The following CEP95 variants were observed in gnomAD, a reference collection of about 807,000 sequenced individuals.
CEP95 encodes centrosomal protein 95, also known as centrosomal protein of 95 kDa.
In CEP95, 98 loss-of-function variants were observed where a neutral mutation model predicts 111.2. The ratio of observed to expected loss-of-function variants is 0.88; its 90% confidence interval spans 0.75 to 1.04. CEP95 has a LOEUF of 1.04. CEP95 is among the 50% of genes least tolerant of loss of function. The pLI is 0.00. For missense variants in CEP95, 1,027 were observed against 977.2 expected, an observed-to-expected ratio of 1.05 and a Z score of -0.68; for synonymous variants, 323 against 327.1, an observed-to-expected ratio of 0.99 and a Z score of 0.14.
Position 64,526,121 on chromosome 17 carries a change from G to T in CEP95, c.1073G>T (p.Arg358Met). The change falls in exon 10 of 20, where the codon AGG becomes ATG. Residue 358 changes from arginine to methionine, a missense_variant. Arg to Met is a moderately conservative substitution (Grantham distance 91). Transcript: ENST00000556440. Reference protein sequence around the residue: ...ASSCNSPFPQRPRKRLTEQEL... With the variant: ...ASSCNSPFPQMPRKRLTEQEL... ...TCCTGCAATTCACCTTTCCCCCAGAGGCCAAGAAAGAGATTAACAGAACAA... is the reference window on the plus strand; with the variant it reads ...TCCTGCAATTCACCTTTCCCCCAGATGCCAAGAAAGAGATTAACAGAACAA... 6.2e-7 allele frequency: 1 copy of T among 1,613,678 alleles called. No homozygotes were observed. Among genetic ancestry groups the T allele is most frequent in the South Asian group, 1.1e-5 (1 of 91,054 alleles).
intron 16 of CEP95, chr17:64,534,370 C>A (rs926156183): frequency 1.2e-5 from 6 of 505,458 alleles, no homozygotes; most frequent in African/African-American, 1.2e-4. Flanking sequence ...CCCAGGATCA[C>A]TGCTGCCCTC....
rs535413368 is a variant in CEP95 at position 64,524,754 on chromosome 17, C to T, written c.910-1016C>T. 1.2e-3 allele frequency among the ~76,000 whole-genome samples: 174 copies of T among 151,232 alleles called. 2 individuals are homozygous for T. The highest frequency in any genetic ancestry group is 1.7e-3 in the Admixed American group (26 of 15,192). On this transcript the variant is annotated intron_variant, in intron 8 of 19. Coordinates refer to ENST00000556440, the MANE Select transcript of CEP95 (RefSeq NM_138363.3). The stretch of plus-strand genomic sequence containing the variant: ...TTGAGAGGCTGAGGTGGGTGGATCA[C>T]GAGGTCAGGAGTTCAAGACCAGCCT...
chr17:64,508,296 A>T, intron 1 of CEP95: 4 of 990,502 alleles, frequency 4.0e-6, no homozygotes, highest in Non-Finnish European at 4.8e-6. Flanking sequence ...ACACCCATGT[A>T]AGGCTTATAT....
intron 6 of CEP95, among the ~76,000 whole-genome samples, chr17:64,520,966 C>T (rs997338051): frequency 1.3e-5 from 2 of 152,102 alleles, no homozygotes; most frequent in Non-Finnish European, 2.9e-5. Context: ...TATTATGGCC[C>T]GTCACAGTGG....
intron 5 of CEP95, 76 bp from the exon 6 acceptor site, chr17:64,519,245 C>T: frequency 1.1e-6 from 1 of 877,638 alleles, no homozygotes; most frequent in East Asian, 2.4e-5. Context: ...TTTCTGCACC[C>T]AGCAGCTCTC....
rs368415280 is a variant in CEP95, at chr17:64,524,477, T to A, written c.910-1293T>A. Among the ~76,000 whole-genome samples the A allele has an allele frequency of 3.2e-4, 48 of 152,094 alleles. 1 individual carries two copies. The East Asian group carries it at 8.0e-3, about 25-fold the overall frequency. On this transcript the variant is annotated intron_variant, in intron 8 of 19. Transcript: ENST00000556440. The stretch of plus-strand genomic sequence containing the variant: ...ACACGTGCCACCACACCTGGCTGAT[T>A]TTTTTTAAAAATATTTTTAGTAGAG...
At chr17:64,531,791 C>G in intron 13 of CEP95, 99 bp from the exon 14 acceptor site, 1 of 876,772 alleles carries the variant, frequency 1.1e-6, no homozygotes, top group Non-Finnish European at 1.6e-6. Flanking sequence ...AACTAAAAAA[C>G]TACCGTTAGC....
chr17:64,526,232 T>A, intron 10 of CEP95, 32 bp downstream of exon 10: 1 of 1,585,678 alleles, frequency 6.3e-7, no homozygotes, highest in Non-Finnish European at 8.6e-7. Flanking sequence ...ATATTGAGAT[T>A]CCCATGGGTT....
chr17:64,514,094 C>CT (rs781959140), intron 3 of CEP95, 154 bp from the exon 4 acceptor site: 15 of 428,170 alleles, frequency 3.5e-5, no homozygotes, highest in Middle Eastern at 6.2e-4. Context: ...CACCTGTATT[C>CT]TTTTTTTTAT....
intron 13 of CEP95, 123 bp downstream of exon 13, chr17:64,531,141 C>A: frequency 1.9e-6 from 1 of 520,640 alleles, no homozygotes; most frequent in Non-Finnish European, 3.3e-6. Flanking sequence ...TAGGAAAAGG[C>A]AGGATTTCAT....
chr17:64,521,840 T>G (rs1157178560), intron 7 of CEP95, among the ~76,000 whole-genome samples: 2 of 152,002 alleles, frequency 1.3e-5, no homozygotes, highest in Admixed American at 1.3e-4. Flanking sequence ...TAACAAAGTA[T>G]AGTAACTGGA....
At chr17:64,528,839 A>C (rs1968056081) in intron 11 of CEP95, among the ~76,000 whole-genome samples, 2 of 152,192 alleles carry the variant, frequency 1.3e-5, no homozygotes, top group African/African-American at 2.4e-5. Context: ...AGTAGGGAAA[A>C]ATTGAGACCA....
At chr17:64,522,607 A>G (rs917086753) in intron 7 of CEP95, 95 bp from the exon 8 acceptor site, 5 of 739,822 alleles carry the variant, frequency 6.8e-6, no homozygotes, top group East Asian at 2.7e-5. Flanking sequence ...TTTCTAATGT[A>G]TGTGAACATG....
chr17:64,528,441 T>C (rs1341361936), intron 11 of CEP95, among the ~76,000 whole-genome samples: 1 of 152,204 alleles, frequency 6.6e-6, no homozygotes, highest in Non-Finnish European at 1.5e-5. Flanking sequence ...ATACACATGG[T>C]ATCCTATTGT....
At chr17:64,520,143 A>G (rs1967202051) in intron 6 of CEP95, among the ~76,000 whole-genome samples, 1 of 152,186 alleles carries the variant, frequency 6.6e-6, no homozygotes. Context: ...GGAGAATCAG[A>G]TGGATTGATT....
Position 64,532,450 on chromosome 17 carries a change from C to G in CEP95, c.1673-389C>G, listed in dbSNP as rs74690030. ...AAAGTCATGAGAAATGCCAGGCTTC[C>G]TGTTACACCCAAAGACTGCTGGCCC... On this transcript the variant is annotated intron_variant, in intron 14 of 19. Coordinates refer to ENST00000556440, the MANE Select transcript of CEP95 (RefSeq NM_138363.3). 253 of 985,390 alleles carry G rather than the reference C, an allele frequency of 2.6e-4. No individual in the cohort carries two copies. The East Asian group carries it at 0.011, about 42-fold the overall frequency. 61.0% of individuals were successfully genotyped at this position (985,390 alleles called of 1,614,324 possible).
Position 64,536,516 on chromosome 17 carries a change from A to G in CEP95, c.2071-86A>G, listed in dbSNP as rs1598256231. On this transcript the variant is annotated intron_variant, in intron 17 of 19. Coordinates refer to ENST00000556440, the MANE Select transcript of CEP95 (RefSeq NM_138363.3). ...TAAAACTAGTATTTAAAAAAAAAAA[A>G]CCTTGGGAAATACAATCAGTATATA... The G allele has an allele frequency of 4.2e-6, 4 of 953,880 alleles. No individual in the cohort carries two copies. The East Asian group carries it at 7.8e-5, about 19-fold the overall frequency. The allele number at this position is 953,880 out of a possible 1,614,324, so 59.1% of individuals were successfully genotyped here. A position where few individuals can be genotyped will look rare whatever the true frequency, so the allele number is the denominator to read the frequency against.
chr17:64,527,870 G>GTATATATATA (rs376144614), intron 11 of CEP95, among the ~76,000 whole-genome samples: 7 of 112,636 alleles, frequency 6.2e-5, no homozygotes, highest in Non-Finnish European at 1.1e-4. Context: ...GTGTGTGTGT[G>GTATATATATA]TATATATATA....
At chr17:64,526,325 G>A in intron 10 of CEP95, 125 bp downstream of exon 10, 1 of 918,436 alleles carries the variant, frequency 1.1e-6, no homozygotes, top group Non-Finnish European at 1.6e-6. Flanking sequence ...CTGTGAAAAT[G>A]TTCCGTAAGT....
Sources: gnomAD v4.1 joint callset for allele counts (sites outside exome capture counted in the v4.1 genomes callset) on GRCh38, gnomAD v4.1.1 for gene constraint, MANE v1.5 for transcripts, NCBI Gene and HGNC (gene_info 2026-07-23, HGNC 2026-07-21) for gene names.